HS6ST3: variants seen among roughly 807,000 people sequenced by gnomAD.
HS6ST3 encodes the protein heparan-sulfate 6-O-sulfotransferase 3.
Under a neutral mutation model 36.7 loss-of-function variants are expected in HS6ST3, and 12 were observed. The observed-to-expected ratio is 0.33, with a 90% CI of 0.21 to 0.53. The LOEUF is 0.53. Among genes scored for constraint, HS6ST3 ranks in the 20% least tolerant of loss-of-function variants. The pLI is 0.95. For missense variants in HS6ST3, 584 were observed against 640.9 expected, an observed-to-expected ratio of 0.91 and a Z score of 0.96; for synonymous variants, 240 against 257.5, an observed-to-expected ratio of 0.93 and a Z score of 0.65.
chr13:96,662,666 G>A (rs2056650502), intron 1 of HS6ST3, among the ~76,000 whole-genome samples: 1 of 152,058 alleles, frequency 6.6e-6, no homozygotes, highest in Non-Finnish European at 1.5e-5. Context: ...GTGCTAGTGT[G>A]ATATAATGGG....
At chr13:96,532,679 A>G (rs997102570) in intron 1 of HS6ST3, among the ~76,000 whole-genome samples, 2 of 152,220 alleles carry the variant, frequency 1.3e-5, no homozygotes, top group Admixed American at 1.3e-4. Flanking sequence ...TCCTAATAGT[A>G]CTAGGAACCT....
At chr13:96,482,179 A>G (rs2138898706) in intron 1 of HS6ST3, among the ~76,000 whole-genome samples, 1 of 152,278 alleles carries the variant, frequency 6.6e-6, no homozygotes, top group South Asian at 2.1e-4. Context: ...TAACCCAGAG[A>G]GTTACCTGTT....
chr13:96,423,185 A>G (rs1428285336), intron 1 of HS6ST3, among the ~76,000 whole-genome samples: 1 of 152,148 alleles, frequency 6.6e-6, no homozygotes, highest in African/African-American at 2.4e-5. Context: ...TCCCCTCTTC[A>G]TTCTAATTCG....
At chr13:96,637,986 C>T (rs1373761687) in intron 1 of HS6ST3, among the ~76,000 whole-genome samples, 1 of 152,054 alleles carries the variant, frequency 6.6e-6, no homozygotes, top group Non-Finnish European at 1.5e-5. Context: ...GGTGATAGCT[C>T]TTTTCATTTC....
Position 96,280,538 on chromosome 13 carries a change from A to AT in HS6ST3, c.707+188976dup, listed in dbSNP as rs1176427470. 4.6e-5 allele frequency among the ~76,000 whole-genome samples: 7 copies of AT among 152,096 alleles called. No individual in the cohort carries two copies. In the South Asian group the frequency reaches 1.0e-3, roughly 22 times the overall value. ...AGCAATAAATGAAATAGAAAAGTAGATTTTTTTCTAAATTGTTTGAACAAT... is the reference window on the plus strand; with the variant it reads ...AGCAATAAATGAAATAGAAAAGTAGATTTTTTTTCTAAATTGTTTGAACAAT... On this transcript the variant is annotated intron_variant, in intron 1 of 1. Transcript: ENST00000376705.
intron 1 of HS6ST3, among the ~76,000 whole-genome samples, chr13:96,306,873 T>TTCA (rs2054916501): frequency 6.6e-6 from 1 of 152,152 alleles, no homozygotes; most frequent in Non-Finnish European, 1.5e-5. Flanking sequence ...ATAAATAATT[T>TTCA]TCATCATCAT....
At position 96,804,035 on chromosome 13, in the gene HS6ST3, G is replaced by A. The variant is rs1413932064; in HGVS notation, c.708-28455G>A. Among the ~76,000 whole-genome samples the A allele has an allele frequency of 3.9e-5, 6 of 152,118 alleles. No individual in the cohort carries two copies. The East Asian group carries it at 1.2e-3, about 29-fold the overall frequency. On this transcript the variant is annotated intron_variant, in intron 1 of 1. Transcript: ENST00000376705. Reference sequence around the variant, plus strand: ...CTCCTTCTGACTCTGGTTGGACTTGGACAGGGATCTGGGGGTAGCATCTAA... The same window carrying A: ...CTCCTTCTGACTCTGGTTGGACTTGAACAGGGATCTGGGGGTAGCATCTAA...
chr13:96,617,828 TCC>T (rs1458096361), intron 1 of HS6ST3, among the ~76,000 whole-genome samples: 30 of 152,140 alleles, frequency 2.0e-4, no homozygotes, highest in African/African-American at 7.0e-4. Context: ...TCACAAGCCC[TCC>T]AGGTGATCCT....
Position 96,832,967 on chromosome 13 carries a change from A to T in HS6ST3, c.1185A>T (p.Gln395His). The T allele has an allele frequency of 6.2e-7, 1 of 1,614,188 alleles. No homozygotes were observed. Among genetic ancestry groups the T allele is most frequent in the Non-Finnish European group, 8.5e-7 (1 of 1,180,026 alleles). Residue 395 changes from glutamine (Q) to histidine (H), a missense_variant, in exon 2 of 2, where the codon CAA becomes CAT. Physicochemically the swap from Gln to His is conservative, Grantham distance 24 (BLOSUM62 0). Transcript: ENST00000376705. The stretch of plus-strand genomic sequence containing the variant: ...TGGAGATCAACGAGGGTGCCCGCCA[A>T]CGCATTGAGGATCTAAACTTCCTGG... ...SNVEINEGAR[Q>H]RIEDLNFLDM...
intron 1 of HS6ST3, among the ~76,000 whole-genome samples, chr13:96,218,140 G>A (rs2054436368): frequency 6.6e-6 from 1 of 152,180 alleles, no homozygotes; most frequent in Non-Finnish European, 1.5e-5. Context: ...ATGATTCTGG[G>A]ACTCAGGAAT....
Position 96,832,663 on chromosome 13 carries a change from G to T in HS6ST3, c.881G>T (p.Ser294Ile). The change falls in exon 2 of 2, where the codon AGC becomes ATC. Residue 294 changes from serine (S) to isoleucine (I), a missense_variant. Physicochemically the swap from Ser to Ile is moderately radical, Grantham distance 142 (BLOSUM62 -2). Around this residue, in one of 3 missense-constraint regions of HS6ST3, gnomAD observed 360 missense variants for 411.3 expected, o/e 0.88. Transcript: ENST00000376705. Reference protein sequence around the residue: ...CYPGDDWSGVSLREFMDCTYN... With the variant: ...CYPGDDWSGVILREFMDCTYN... ...CCTGGGGATGACTGGTCTGGGGTCA[G>T]CTTGCGGGAGTTTATGGATTGCACC... The T allele has an allele frequency of 6.2e-7, 1 of 1,614,128 alleles. No homozygotes were observed. The highest frequency in any genetic ancestry group is 8.5e-7 in the Non-Finnish European group (1 of 1,179,992).
At chr13:96,615,408 G>A (rs1488669068) in intron 1 of HS6ST3, among the ~76,000 whole-genome samples, 1 of 152,176 alleles carries the variant, frequency 6.6e-6, no homozygotes, top group Non-Finnish European at 1.5e-5. Flanking sequence ...AGGTGTCAGG[G>A]CACCATGCAA....
intron 1 of HS6ST3, among the ~76,000 whole-genome samples, chr13:96,251,702 C>A (rs1201895452): frequency 6.6e-6 from 1 of 151,858 alleles, no homozygotes; most frequent in Non-Finnish European, 1.5e-5. Flanking sequence ...CTCTAAATTT[C>A]CTTGTTAGAA....
chr13:96,339,745 C>T (rs1455482469), intron 1 of HS6ST3, among the ~76,000 whole-genome samples: 2 of 152,220 alleles, frequency 1.3e-5, no homozygotes, highest in Non-Finnish European at 2.9e-5. Flanking sequence ...TTGGGAGTAA[C>T]AGTGGGTTAC....
intron 1 of HS6ST3, among the ~76,000 whole-genome samples, chr13:96,322,622 C>T (rs1184672249): frequency 6.6e-6 from 1 of 151,926 alleles, no homozygotes; most frequent in Non-Finnish European, 1.5e-5. Context: ...ATTTTTTTCT[C>T]CTATGAAAAG....
intron 1 of HS6ST3, among the ~76,000 whole-genome samples, chr13:96,164,567 A>G (rs2054152125): frequency 6.6e-6 from 1 of 152,070 alleles, no homozygotes; most frequent in Admixed American, 6.5e-5. Context: ...AAAAAAAAAA[A>G]AAAGATTATC....
intron 1 of HS6ST3, among the ~76,000 whole-genome samples, chr13:96,479,757 T>C (rs138144160): frequency 1.0e-3 from 152 of 152,326 alleles, no homozygotes; most frequent in African/African-American, 3.5e-3. Flanking sequence ...GCTTATTTTT[T>C]TCTTACGCAG....
At chr13:96,527,046 A>G (rs530068997) in intron 1 of HS6ST3, among the ~76,000 whole-genome samples, 13 of 152,132 alleles carry the variant, frequency 8.5e-5, no homozygotes, top group African/African-American at 3.1e-4. Flanking sequence ...TACTTTTGTA[A>G]TGTGGTTTCT....
intron 1 of HS6ST3, among the ~76,000 whole-genome samples, chr13:96,761,565 T>C (rs945228630): frequency 6.6e-6 from 1 of 152,116 alleles, no homozygotes; most frequent in African/African-American, 2.4e-5. Flanking sequence ...TAGATGAAGT[T>C]GAAGCCTGGT....
Sources: allele counts gnomAD v4.1 joint callset (sites outside exome capture counted in the v4.1 genomes callset), GRCh38; gene constraint gnomAD v4.1.1; regional missense constraint gnomAD v4.1.1; transcripts MANE v1.5; gene names NCBI Gene and HGNC (gene_info 2026-07-23, HGNC 2026-07-21).